Variants in B3GLCT observed in about 807,000 individuals in gnomAD.
B3GLCT encodes the protein beta 3-glucosyltransferase, also known as beta-1,3-glucosyltransferase.
A neutral mutation model predicts 63.4 loss-of-function variants in B3GLCT; 65 were observed. The observed-to-expected ratio is 1.03, with a 90% CI of 0.84 to 1.26. B3GLCT has a LOEUF of 1.26. Among genes scored for constraint, B3GLCT ranks in the 50% most tolerant of loss-of-function variants. The pLI is 0.00. For missense variants in B3GLCT, 577 were observed against 604.8 expected (o/e 0.95, Z 0.48); for synonymous variants, 233 against 219.2 (o/e 1.06, Z -0.55).
At chr13:31,236,226 A>C (rs944031119) in intron 4 of B3GLCT, among the ~76,000 whole-genome samples, 1 of 152,156 alleles carries the variant, frequency 6.6e-6, no homozygotes, top group Admixed American at 6.5e-5. Flanking sequence ...CCATTGATTC[A>C]TTGTCCTTAG....
Position 31,222,211 on chromosome 13 carries a change from TG to T in B3GLCT, c.121-738del, listed in dbSNP as rs1424841446. Reference sequence around the variant, plus strand: ...GTCCTGCCTCAGCCTCCTGATTAGCTGGGACTACAGGCGCCTGCCATCATGC... The same window carrying T: ...GTCCTGCCTCAGCCTCCTGATTAGCTGGACTACAGGCGCCTGCCATCATGC... On this transcript the variant is annotated intron_variant, in intron 2 of 14. Coordinates refer to ENST00000343307, the MANE Select transcript of B3GLCT (RefSeq NM_194318.4). Among the ~76,000 whole-genome samples the T allele has an allele frequency of 2.0e-5, 3 of 152,010 alleles. No homozygotes were observed. In the East Asian group the frequency reaches 5.8e-4, roughly 29 times the overall value.
chr13:31,225,207 C>T (rs908705778), intron 3 of B3GLCT, among the ~76,000 whole-genome samples: 21 of 152,332 alleles, frequency 1.4e-4, no homozygotes, highest in African/African-American at 4.8e-4. Context: ...GACAATCCAT[C>T]TTGAGTTGTG....
intron 1 of B3GLCT, among the ~76,000 whole-genome samples, chr13:31,204,787 T>G (rs1868860661): frequency 6.6e-6 from 1 of 151,928 alleles, no homozygotes; most frequent in South Asian, 2.1e-4. Flanking sequence ...GAGAGATGAT[T>G]AATAATCTCT....
intron 4 of B3GLCT, among the ~76,000 whole-genome samples, chr13:31,233,739 A>G (rs919140858): frequency 3.3e-5 from 5 of 152,030 alleles, no homozygotes; most frequent in African/African-American, 1.2e-4. Context: ...TTCAGCTAGA[A>G]CTCAAGGGGT....
intron 10 of B3GLCT, among the ~76,000 whole-genome samples, chr13:31,282,556 G>A (rs1423390231): frequency 6.6e-6 from 1 of 151,718 alleles, no homozygotes; most frequent in East Asian, 1.9e-4. Flanking sequence ...GCAGGAGCAT[G>A]GTGTGAACCC....
chr13:31,224,577 G>A (rs1293174497), intron 3 of B3GLCT, among the ~76,000 whole-genome samples: 1 of 152,102 alleles, frequency 6.6e-6, no homozygotes, highest in Non-Finnish European at 1.5e-5. Flanking sequence ...TCAGGGCACC[G>A]AGAGCATGGC....
intron 12 of B3GLCT, among the ~76,000 whole-genome samples, chr13:31,293,202 A>C (rs908835042): frequency 6.6e-6 from 1 of 152,136 alleles, no homozygotes; most frequent in Non-Finnish European, 1.5e-5. Context: ...ACATTTGCTG[A>C]GGAGTGTTTT....
In B3GLCT at chr13:31,310,544, AC is replaced by A. The variant is rs1239890774; in HGVS notation, c.1065-7019del. ...AGAGCTGTAACACTGTAATCCTCCC[AC>A]CCTTTGCTGGTGCTGGGCAGCTGCC... On this transcript the variant is annotated intron_variant, in intron 12 of 14. Transcript: ENST00000343307. Among the ~76,000 whole-genome samples, 5 of 151,634 alleles carry A rather than the reference AC, an allele frequency of 3.3e-5. No individual in the cohort carries two copies. The East Asian group carries it at 9.7e-4, about 29-fold the overall frequency.
intron 7 of B3GLCT, among the ~76,000 whole-genome samples, chr13:31,263,106 C>T (rs567521849): frequency 9.9e-5 from 15 of 152,144 alleles, no homozygotes. Flanking sequence ...GGGGTGTAAT[C>T]ATTTCCTTGA....
At chr13:31,281,706 T>A (rs1400593630) in intron 10 of B3GLCT, among the ~76,000 whole-genome samples, 1 of 152,174 alleles carries the variant, frequency 6.6e-6, no homozygotes, top group Non-Finnish European at 1.5e-5. Flanking sequence ...AGAAGTGCAA[T>A]CAGGGTCTTA....
At chr13:31,261,291 C>T (rs1435156807) in intron 7 of B3GLCT, among the ~76,000 whole-genome samples, 1 of 152,198 alleles carries the variant, frequency 6.6e-6, no homozygotes, top group Non-Finnish European at 1.5e-5. Flanking sequence ...AATCATTCAA[C>T]CTCTCTGTAT....
In B3GLCT at chr13:31,215,032, CTTT is replaced by C. The variant is rs398022187; in HGVS notation, c.71-7_71-5del. The C allele has an allele frequency of 2.4e-4, 302 of 1,248,924 alleles. No individual in the cohort carries two copies. The highest frequency in any genetic ancestry group is 4.1e-4 in the Admixed American group (20 of 49,068). 77.4% of individuals were successfully genotyped at this position (1,248,924 alleles called of 1,614,324 possible). ...TGCTAATTCTAAGGTAGAAATATTT[CTTT>C]TTTTTTTTTTTCCAGCTTTTGGTTT... On this transcript the variant is annotated splice_polypyrimidine_tract_variant and intron_variant, in intron 1 of 14. Coordinates refer to ENST00000343307, the MANE Select transcript of B3GLCT (RefSeq NM_194318.4).
chr13:31,264,274 A>T (rs926996103), intron 7 of B3GLCT, among the ~76,000 whole-genome samples: 3 of 152,150 alleles, frequency 2.0e-5, no homozygotes, highest in African/African-American at 7.2e-5. Flanking sequence ...TAAAGCCAAG[A>T]GGTTAATCTT....
intron 4 of B3GLCT, among the ~76,000 whole-genome samples, chr13:31,242,145 T>C (rs1337489849): frequency 6.6e-6 from 1 of 151,992 alleles, no homozygotes; most frequent in Non-Finnish European, 1.5e-5. Context: ...ACCTCAGTTC[T>C]GAGGGGATCC....
rs550532385 is a variant in B3GLCT, at chr13:31,274,423, C to G, written c.661-86C>G. 1.8e-5 allele frequency: 27 copies of G among 1,542,368 alleles called. No homozygotes were observed. The African/African-American group carries it at 3.4e-4, about 19-fold the overall frequency. ...GCCTACTCTCTATGGAAGATGTGTT[C>G]TGCTTTCCCTTGAGATATTTTGTCC... On this transcript the variant is annotated intron_variant, in intron 8 of 14. Coordinates refer to ENST00000343307, the MANE Select transcript of B3GLCT (RefSeq NM_194318.4).
rs138073761 is a variant in B3GLCT, at chr13:31,252,543, C to CA, written c.459+4586dup. Among the ~76,000 whole-genome samples the CA allele has an allele frequency of 5.5e-4, 82 of 149,268 alleles. No homozygotes were observed. The East Asian group carries it at 6.0e-3, about 11-fold the overall frequency. On this transcript the variant is annotated intron_variant, in intron 6 of 14. Coordinates refer to ENST00000343307, the MANE Select transcript of B3GLCT (RefSeq NM_194318.4). ...AAGATTTACCAAGCAAATGGAAGGC[C>CA]AAAAAAAAAGCGGGGGTTGCAATCC...
chr13:31,225,637 C>G (rs1052981479), intron 3 of B3GLCT, among the ~76,000 whole-genome samples: 1 of 152,294 alleles, frequency 6.6e-6, no homozygotes. Context: ...GCCTTGTCCT[C>G]GATAATACCC....
intron 14 of B3GLCT, among the ~76,000 whole-genome samples, chr13:31,328,692 CAAAAAAA>C (rs34729471): frequency 1.1e-4 from 5 of 45,432 alleles, no homozygotes; most frequent in Admixed American, 7.7e-4. Flanking sequence ...AACTCCATCT[CAAAAAAA>C]AAAAAAAAAA....
intron 12 of B3GLCT, 22 bp downstream of exon 12, chr13:31,286,841 A>C (rs1399934171): frequency 6.7e-7 from 1 of 1,494,684 alleles, no homozygotes; most frequent in South Asian, 1.2e-5. Context: ...TTCTCATCCT[A>C]AATGGCTTTA....
Sources: allele counts gnomAD v4.1 joint callset (sites outside exome capture counted in the v4.1 genomes callset), GRCh38; gene constraint gnomAD v4.1.1; transcripts MANE v1.5; gene names NCBI Gene and HGNC (gene_info 2026-07-23, HGNC 2026-07-21).